PPP2R3A: variants seen among roughly 807,000 people sequenced by gnomAD.
The protein encoded by PPP2R3A is serine/threonine-protein phosphatase 2A regulatory subunit B'' subunit alpha.
Under a neutral mutation model 106.9 loss-of-function variants are expected in PPP2R3A, and 80 were observed. The ratio of observed to expected loss-of-function variants is 0.75; its 90% CI spans 0.62 to 0.90. The LOEUF is 0.90. Among genes scored for constraint, PPP2R3A ranks in the 40% least tolerant of loss-of-function variants. The probability of loss-of-function intolerance (pLI) is 0.00; values close to 1 mark genes in which losing one functional copy is unlikely to be tolerated. For synonymous variants in PPP2R3A, 483 were observed against 468.3 expected, an observed-to-expected ratio of 1.03 and a Z score of -0.41; for missense variants, 1,386 against 1,350.4, an observed-to-expected ratio of 1.03 and a Z score of -0.41.
At chr3:136,053,195 T>G (rs1935739796) in intron 5 of PPP2R3A, among the ~76,000 whole-genome samples, 1 of 152,194 alleles carries the variant, frequency 6.6e-6, no homozygotes, top group African/African-American at 2.4e-5. Context: ...GCTTAATACC[T>G]GTACCTGTAG....
intron 8 of PPP2R3A, among the ~76,000 whole-genome samples, 157 bp downstream of exon 8, chr3:136,082,578 T>C (rs762206090): frequency 6.6e-6 from 1 of 152,206 alleles, no homozygotes; most frequent in African/African-American, 2.4e-5. Flanking sequence ...GAAGATAATA[T>C]AATTTTTTAT....
At chr3:136,055,439 A>T in intron 5 of PPP2R3A, 1 of 1,092,766 alleles carries the variant, frequency 9.2e-7, no homozygotes, top group Non-Finnish European at 1.4e-6. Flanking sequence ...GCAAATGCTT[A>T]AGGCACAAAG....
At position 136,002,563 on chromosome 3, in the gene PPP2R3A, T is replaced by C. The variant is rs200377717; in HGVS notation, c.1065T>C (p.Asn355=). The C allele has an allele frequency of 1.1e-5, 18 of 1,613,812 alleles. No homozygotes were observed. Among genetic ancestry groups the C allele is most frequent in the Non-Finnish European group, 2.5e-6 (3 of 1,179,900 alleles). Residue 355 remains asparagine (N), a synonymous_variant, in exon 2 of 14, where the codon AAT becomes AAC. Coordinates refer to ENST00000264977, the MANE Select transcript of PPP2R3A (RefSeq NM_002718.5). ...SGRFQTIELQ[N]DKPNSRKMDT... ...GATTTCAAACTATTGAATTGCAAAATGACAAGCCTAATTCTAGGAAGATGG... is the reference window on the plus strand; with the variant it reads ...GATTTCAAACTATTGAATTGCAAAACGACAAGCCTAATTCTAGGAAGATGG...
intron 1 of PPP2R3A, among the ~76,000 whole-genome samples, chr3:135,991,548 A>G (rs749384947): frequency 1.4e-5 from 2 of 147,454 alleles, no homozygotes; most frequent in African/African-American, 5.4e-5. Context: ...GATTACATGC[A>G]TTAAATATTA....
chr3:136,138,212 T>G (rs1938701975), intron 13 of PPP2R3A, among the ~76,000 whole-genome samples: 1 of 152,202 alleles, frequency 6.6e-6, no homozygotes, highest in Admixed American at 6.5e-5. Context: ...ACGAACCATA[T>G]CAAAGCCCAA....
intron 6 of PPP2R3A, among the ~76,000 whole-genome samples, chr3:136,076,435 A>G (rs901462382): frequency 2.0e-5 from 3 of 152,324 alleles, no homozygotes; most frequent in Middle Eastern, 3.4e-3. Context: ...ATATGATTCT[A>G]TCTATAAATA....
rs1372281256 is a variant in PPP2R3A, at chr3:136,147,504, A to G, written c.*2338A>G. On this transcript the variant is annotated 3_prime_UTR_variant, in exon 14 of 14. Transcript: ENST00000264977. ...TACTCCTTCCTTGGAGCTGAATGCAAGGAATGTGAATTCTGAGGAATTAAG... is the reference window on the plus strand; with the variant it reads ...TACTCCTTCCTTGGAGCTGAATGCAGGGAATGTGAATTCTGAGGAATTAAG... 3 of 152,638 alleles carry G rather than the reference A, an allele frequency of 2.0e-5. No individual in the cohort carries two copies. Among genetic ancestry groups the G allele is most frequent in the African/African-American group, 7.2e-5 (3 of 41,456 alleles). The allele number at this position is 152,638 out of a possible 1,614,324, so 9.5% of individuals were successfully genotyped here. A position where few individuals can be genotyped will look rare whatever the true frequency, so the allele number is the denominator to read the frequency against.
At chr3:136,068,716 C>G (rs1197023107) in intron 5 of PPP2R3A, among the ~76,000 whole-genome samples, 2 of 152,172 alleles carry the variant, frequency 1.3e-5, no homozygotes, top group African/African-American at 2.4e-5. Context: ...TATTGACACT[C>G]TCAAAAGCGT....
At chr3:136,079,025 A>C (rs2107924536) in intron 7 of PPP2R3A, 1 of 293,474 alleles carries the variant, frequency 3.4e-6, no homozygotes, top group East Asian at 7.9e-5. Context: ...GTAAACATAA[A>C]GTGAAATTGT....
intron 13 of PPP2R3A, among the ~76,000 whole-genome samples, chr3:136,127,131 G>A (rs772962038): frequency 2.2e-4 from 34 of 152,268 alleles, no homozygotes; most frequent in Middle Eastern, 3.4e-3. Context: ...ACAGCTTCTC[G>A]CCAGCAACGG....
intron 1 of PPP2R3A, among the ~76,000 whole-genome samples, chr3:135,987,292 G>C (rs771188134): frequency 4.6e-5 from 7 of 152,112 alleles, no homozygotes; most frequent in Non-Finnish European, 8.8e-5. Context: ...CATAACCAGA[G>C]TATCAGTATT....
At position 136,145,033 on chromosome 3, in the gene PPP2R3A, G is replaced by A. The variant is rs138100452; in HGVS notation, c.3330-10G>A. On this transcript the variant is annotated splice_polypyrimidine_tract_variant and intron_variant, in intron 13 of 13. Transcript: ENST00000264977. ...CAATCAGTTAATTCACTTTTGCTTT[G>A]TTATTTCAGCTTTGAAGATTATGAA... 93 of 1,584,016 alleles carry A rather than the reference G, an allele frequency of 5.9e-5. No individual in the cohort carries two copies. The African/African-American group carries it at 1.2e-3, about 20-fold the overall frequency.
At chr3:136,121,165 A>C (rs1937982068) in intron 13 of PPP2R3A, among the ~76,000 whole-genome samples, 1 of 152,226 alleles carries the variant, frequency 6.6e-6, no homozygotes, top group Non-Finnish European at 1.5e-5. Context: ...TAGCAAAGAC[A>C]TGGAATCAAC....
chr3:136,000,453 TGGAGCAGGGTCTG>T (rs1199528266), intron 1 of PPP2R3A, among the ~76,000 whole-genome samples: 5 of 152,208 alleles, frequency 3.3e-5, no homozygotes, highest in African/African-American at 1.2e-4. Flanking sequence ...GATATCCACA[TGGAGCAGGGTCTG>T]GGAGATGGGA....
intron 4 of PPP2R3A, among the ~76,000 whole-genome samples, chr3:136,041,568 G>A (rs1353673422): frequency 1.3e-5 from 2 of 151,980 alleles, no homozygotes; most frequent in East Asian, 1.9e-4. Flanking sequence ...GTTAAATTTG[G>A]GTCTCAGGAT....
Position 136,146,983 on chromosome 3 carries a change from CATTT to C in PPP2R3A, c.*1818_*1821del, listed in dbSNP as rs1458989330. 2 of 150,884 alleles carry C rather than the reference CATTT, an allele frequency of 1.3e-5. No homozygotes were observed. Among genetic ancestry groups the C allele is most frequent in the African/African-American group, 4.9e-5 (2 of 40,574 alleles). 9.3% of individuals were successfully genotyped at this position (150,884 alleles called of 1,614,324 possible). ...AGTAAAAATTCAATTTTACAATATA[CATTT>C]TTTTTTTTAACTATTTGGCTTTACC... On this transcript the variant is annotated 3_prime_UTR_variant, in exon 14 of 14. Coordinates refer to ENST00000264977, the MANE Select transcript of PPP2R3A (RefSeq NM_002718.5).
intron 1 of PPP2R3A, among the ~76,000 whole-genome samples, chr3:135,997,709 T>G (rs899704590): frequency 3.3e-5 from 5 of 152,176 alleles, no homozygotes; most frequent in African/African-American, 1.2e-4. Context: ...GCAACACAAG[T>G]CTCCCAGTAC....
Position 136,067,963 on chromosome 3 carries a change from G to A in PPP2R3A, c.2470-2515G>A, listed in dbSNP as rs114967642. 4.4e-3 allele frequency among the ~76,000 whole-genome samples: 670 copies of A among 152,316 alleles called. 4 individuals carry two copies. The highest frequency in any genetic ancestry group is 0.015 in the African/African-American group (640 of 41,568). On this transcript the variant is annotated intron_variant, in intron 5 of 13. Transcript: ENST00000264977. ...AGAGAACACAGGTGGCCAGGCTCAT[G>A]CCTGTGATCCCAACATTTTGGGAGG...
intron 4 of PPP2R3A, among the ~76,000 whole-genome samples, chr3:136,048,989 G>T (rs1470106075): frequency 6.6e-6 from 1 of 152,084 alleles, no homozygotes; most frequent in African/African-American, 2.4e-5. Flanking sequence ...TTAGACAGCT[G>T]TTCCTTCCTG....
Sources: allele counts gnomAD v4.1 joint callset (sites outside exome capture counted in the v4.1 genomes callset), GRCh38; gene constraint gnomAD v4.1.1; transcripts MANE v1.5; gene names NCBI Gene and HGNC (gene_info 2026-07-23, HGNC 2026-07-21).